Variants in PCDHGB1 observed in about 807,000 individuals in gnomAD.
PCDHGB1 encodes the protein protocadherin gamma subfamily B, 1.
PCDHGB1 carries 34 observed loss-of-function variants against 56.6 expected under a neutral mutation model. The observed-to-expected ratio is 0.60, with a 90% CI of 0.46 to 0.80. The LOEUF is 0.80. Ranked by LOEUF, PCDHGB1 falls within the 30% of genes least tolerant of loss-of-function variation. The pLI is 0.00. For missense variants in PCDHGB1, 1,278 were observed against 1,204.6 expected (o/e 1.06, Z -0.90); for synonymous variants, 561 against 505.9 (o/e 1.11, Z -1.46).
In PCDHGB1 at chr5:141,504,261, A is replaced by AT. The variant is rs144925096; in HGVS notation, c.2469-1125dup. Among the ~76,000 whole-genome samples the AT allele has an allele frequency of 3.8e-3, 573 of 152,258 alleles. 3 individuals are homozygous for AT. The highest frequency in any genetic ancestry group is 0.012 in the African/African-American group (514 of 41,556). ...CAGAGAGTTCTTCTTATGGTTTAGT[A>AT]TTTTTTTAAATTATGAATCATTTCA... On this transcript the variant is annotated intron_variant, in intron 2 of 3. Transcript: ENST00000523390.
intron 1 of PCDHGB1, chr5:141,423,751 G>GGC: frequency 2.9e-6 from 1 of 349,040 alleles, no homozygotes; most frequent in African/African-American, 6.5e-5. Context: ...AAAACTGTTT[G>GGC]GGGGGGGGGT....
At chr5:141,420,218 C>T (rs762476625) in intron 1 of PCDHGB1, 11 of 1,608,290 alleles carry the variant, frequency 6.8e-6, no homozygotes, top group Admixed American at 1.7e-5. Flanking sequence ...AGATAGCATG[C>T]TACTGGCTAG....
intron 3 of PCDHGB1, among the ~76,000 whole-genome samples, chr5:141,510,162 A>C (rs947806998): frequency 6.6e-6 from 1 of 151,838 alleles, no homozygotes; most frequent in Non-Finnish European, 1.5e-5. Flanking sequence ...AATCTCAGCT[A>C]CTCAGGAGGT....
intron 1 of PCDHGB1, among the ~76,000 whole-genome samples, chr5:141,437,156 G>A (rs2097864365): frequency 6.6e-6 from 1 of 152,172 alleles, no homozygotes. Flanking sequence ...TAACATATGT[G>A]TTGATTGTTT....
At chr5:141,393,579 C>T (rs2092799952) in intron 1 of PCDHGB1, 2 of 1,613,888 alleles carry the variant, frequency 1.2e-6, no homozygotes, top group Non-Finnish European at 1.7e-6. Context: ...TGAGAACATG[C>T]CCCCAGGCAC....
intron 1 of PCDHGB1, among the ~76,000 whole-genome samples, chr5:141,405,840 A>G (rs1005736499): frequency 6.6e-6 from 1 of 152,188 alleles, no homozygotes; most frequent in African/African-American, 2.4e-5. Flanking sequence ...GTATAAGTTG[A>G]TATCAGTGTG....
At chr5:141,358,794 G>T (rs1283830662) in intron 1 of PCDHGB1, among the ~76,000 whole-genome samples, 120 of 152,324 alleles carry the variant, frequency 7.9e-4, no homozygotes, top group Non-Finnish European at 4.4e-5. Context: ...CTTGGGTTCT[G>T]GACTGATATG....
In PCDHGB1 at chr5:141,486,070, T is replaced by G; in HGVS notation, c.2410-8737T>G. The G allele has an allele frequency of 6.2e-7, 1 of 1,614,158 alleles. No individual in the cohort carries two copies. Among genetic ancestry groups the G allele is most frequent in the Non-Finnish European group, 8.5e-7 (1 of 1,180,010 alleles). On this transcript the variant is annotated intron_variant, in intron 1 of 3. Coordinates refer to ENST00000523390, the MANE Select transcript of PCDHGB1 (RefSeq NM_018922.3). This position sits in a 1 kb window ranked among gnomAD's most constrained non-coding sequence, Gnocchi z 5.0. ...ACCTCTTTAGCCTGCACCCCACTAC[T>G]GGAAAGCTTACTCTTTTGGGGCCCC...
At chr5:141,427,067 G>A (rs1170378664) in intron 1 of PCDHGB1, 1 of 457,930 alleles carries the variant, frequency 2.2e-6, no homozygotes, top group Non-Finnish European at 4.4e-6. Context: ...CTGTACTAAA[G>A]GTGACAGCCA....
chr5:141,468,952 G>GA (rs2099186671), intron 1 of PCDHGB1, among the ~76,000 whole-genome samples: 1 of 151,198 alleles, frequency 6.6e-6, no homozygotes. Context: ...TAAACCTGTG[G>GA]TTTTTTTTAC....
At chr5:141,484,050 C>T (rs1262678828) in intron 1 of PCDHGB1, among the ~76,000 whole-genome samples, 1 of 151,984 alleles carries the variant, frequency 6.6e-6, no homozygotes, top group Non-Finnish European at 1.5e-5. Flanking sequence ...CAAGAGGTCC[C>T]CTGGGGCTAA....
rs1012790217 is a variant in PCDHGB1 at position 141,432,087 on chromosome 5, C to T, written c.2410-62720C>T. On this transcript the variant is annotated intron_variant, in intron 1 of 3. Coordinates refer to ENST00000523390, the MANE Select transcript of PCDHGB1 (RefSeq NM_018922.3). This position sits in a 1 kb window ranked among gnomAD's most constrained non-coding sequence, Gnocchi z 6.0. ...GAAACTCATATCTCGCTGAACGTGG[C>T]AGACACCAACGACAACCCGCCGGTC... is the stretch of plus-strand genomic sequence containing the variant. The T allele has an allele frequency of 2.5e-6, 4 of 1,614,060 alleles. No homozygotes were observed. The African/African-American group carries it at 4.0e-5, about 16-fold the overall frequency.
intron 1 of PCDHGB1, chr5:141,364,447 G>A: frequency 6.2e-7 from 1 of 1,613,954 alleles, no homozygotes; most frequent in Non-Finnish European, 8.5e-7. Context: ...CGGAGGAGCT[G>A]GACAAAGGCT....
intron 1 of PCDHGB1, chr5:141,365,297 G>T (rs538677777): frequency 6.2e-7 from 1 of 1,613,896 alleles, no homozygotes; most frequent in Non-Finnish European, 8.5e-7. Flanking sequence ...GGTAGCTCAG[G>T]ATGGAGGCGC....
At chr5:141,412,385 AT>A (rs1277702119) in intron 1 of PCDHGB1, 2 of 152,236 alleles carry the variant, frequency 1.3e-5, no homozygotes, top group Admixed American at 1.3e-4. Flanking sequence ...AAATAGGTCC[AT>A]TTAACTTGTA....
intron 1 of PCDHGB1, chr5:141,479,537 T>C (rs1299169562): frequency 6.6e-6 from 1 of 152,230 alleles, no homozygotes; most frequent in Non-Finnish European, 1.5e-5. Context: ...GTGGAGAAGG[T>C]CAAAACTGCT....
rs919375073 is a variant in PCDHGB1 at position 141,490,642 on chromosome 5, C to A, written c.2410-4165C>A. On this transcript the variant is annotated intron_variant, in intron 1 of 3. Coordinates refer to ENST00000523390, the MANE Select transcript of PCDHGB1 (RefSeq NM_018922.3). This position sits in a 1 kb window ranked among gnomAD's most constrained non-coding sequence, Gnocchi z 5.4. ...CACTGCTTACATCCTAGAAAACCGG[C>A]CTCCGGGCTCCCTTCTTTGCACTGT... 4.3e-6 allele frequency: 7 copies of A among 1,614,102 alleles called. No individual in the cohort carries two copies. In the African/African-American group the frequency reaches 6.7e-5, roughly 15 times the overall value.
chr5:141,412,154 A>G (rs528810323), intron 1 of PCDHGB1: 1 of 152,344 alleles, frequency 6.6e-6, no homozygotes, highest in Admixed American at 6.5e-5. Flanking sequence ...ACTGCCTAAG[A>G]GAAGAGATTA....
chr5:141,470,100 G>A (rs1259251144), intron 1 of PCDHGB1, among the ~76,000 whole-genome samples: 2 of 152,178 alleles, frequency 1.3e-5, no homozygotes, highest in African/African-American at 4.8e-5. Context: ...CTACATTCCA[G>A]TCTGAGCAAC....
Sources: gnomAD v4.1 joint callset for allele counts (sites outside exome capture counted in the v4.1 genomes callset) on GRCh38, gnomAD v4.1.1 for gene constraint, Gnocchi (gnomAD v3.1) non-coding constraint, MANE v1.5 for transcripts, NCBI Gene and HGNC (gene_info 2026-07-23, HGNC 2026-07-21) for gene names.